NAA16: variants seen among roughly 807,000 people sequenced by gnomAD.
NAA16 encodes the protein NARG1-like protein.
Under a neutral mutation model 110.3 loss-of-function variants are expected in NAA16, and 97 were observed. The ratio of observed to expected loss-of-function variants is 0.88; its 90% CI spans 0.75 to 1.04. The LOEUF is 1.04. NAA16 is among the 50% of genes least tolerant of loss of function. NAA16 has a pLI of 0.00. For missense variants in NAA16, 1,017 were observed against 1,005.1 expected (o/e 1.01, Z -0.16); for synonymous variants, 372 against 330.6 (o/e 1.13, Z -1.36).
At position 41,375,653 on chromosome 13, in the gene NAA16, G is replaced by C; in HGVS notation, c.*51G>C. 3.6e-6 allele frequency: 5 copies of C among 1,391,534 alleles called. No homozygotes were observed. Among genetic ancestry groups the C allele is most frequent in the Non-Finnish European group, 4.9e-6 (5 of 1,025,888 alleles). The allele number at this position is 1,391,534 out of a possible 1,614,324, so 86.2% of individuals were successfully genotyped here. On this transcript the variant is annotated 3_prime_UTR_variant, in exon 20 of 20. Transcript: ENST00000379406. ...AGACTCAAAGCTGAATTGAGATCAG[G>C]GTTTCTTTTCCAGGGTGCATTTTAA...
At chr13:41,371,218 G>A (rs2043309893) in intron 15 of NAA16, among the ~76,000 whole-genome samples, 1 of 152,190 alleles carries the variant, frequency 6.6e-6, no homozygotes, top group African/African-American at 2.4e-5. Flanking sequence ...CATAGAAGCA[G>A]TAGTGCCAGA....
chr13:41,367,630 C>A lies in NAA16; in HGVS notation c.1731C>A (p.Ser577Arg). 1.2e-6 allele frequency: 2 copies of A among 1,606,956 alleles called. No individual in the cohort carries two copies. Among genetic ancestry groups the A allele is most frequent in the Non-Finnish European group, 1.7e-6 (2 of 1,176,270 alleles). Residue 577 changes from serine (S) to arginine (R), a missense_variant, in exon 14 of 20, where the codon AGC becomes AGA. Transcript: ENST00000379406. ...KLYDNPLTNESKQQEINSENL... is the reference protein window; with the variant it reads ...KLYDNPLTNERKQQEINSENL... ...ATGATAATCCCTTAACCAATGAAAG[C>A]AAACAACAAGAAATAAACTCAGGTA...
intron 9 of NAA16, among the ~76,000 whole-genome samples, chr13:41,354,866 G>T (rs2042938902): frequency 7.0e-6 from 1 of 143,502 alleles, no homozygotes. Context: ...TATATAATGT[G>T]TCCCTTATAG....
At chr13:41,320,137 T>G (rs1877190438) in intron 3 of NAA16, among the ~76,000 whole-genome samples, 1 of 152,224 alleles carries the variant, frequency 6.6e-6, no homozygotes, top group South Asian at 2.1e-4. Context: ...ATACTTTAAT[T>G]TATAAGAAAT....
intron 17 of NAA16, chr13:41,373,377 C>G (rs1480790825): frequency 3.5e-6 from 1 of 288,908 alleles, no homozygotes; most frequent in Non-Finnish European, 5.2e-6. Flanking sequence ...CCTGACTCAG[C>G]CTCTTGAGTA....
chr13:41,372,754 G>T lies in NAA16; in HGVS notation c.2079G>T (p.Gln693His). The T allele has an allele frequency of 6.2e-7, 1 of 1,600,602 alleles. No individual in the cohort carries two copies. ...CAGGAAAGTTTCTGTTAATGCTGCA[G>T]TCTGTCAAACGAGCTTTTGCCATTA... ...FRKGKFLLML[Q>H]SVKRAFAINS... Residue 693 changes from glutamine (Q) to histidine (H), a missense_variant, in exon 17 of 20, where the codon CAG (glutamine) becomes CAT (histidine). By Grantham distance (24) the Gln-to-His change is conservative. Transcript: ENST00000379406.
intron 9 of NAA16, among the ~76,000 whole-genome samples, chr13:41,348,093 T>G (rs1391735244): frequency 3.3e-5 from 5 of 152,182 alleles, no homozygotes; most frequent in African/African-American, 1.2e-4. Context: ...TTAAGATGAT[T>G]ATGTAGGTTT....
chr13:41,358,336 C>G lies in NAA16; in HGVS notation c.1120C>G (p.Leu374Val). 2 of 1,613,992 alleles carry G rather than the reference C, an allele frequency of 1.2e-6. No homozygotes were observed. The highest frequency in any genetic ancestry group is 1.7e-6 in the Non-Finnish European group (2 of 1,179,868). ...GGAGAAGGAACCCCCGACAACACTA[C>G]TCTGGGTTCAGTATTTCCTGGCACA... is the stretch of plus-strand genomic sequence containing the variant. ...NGEKEPPTTL[L>V]WVQYFLAQHF... The change falls in exon 11 of 20, where the codon CTC becomes GTC. Residue 374 changes from leucine to valine, a missense_variant. Physicochemically the swap from Leu to Val is conservative, Grantham distance 32. Coordinates refer to ENST00000379406, the MANE Select transcript of NAA16 (RefSeq NM_024561.5).
intron 1 of NAA16, among the ~76,000 whole-genome samples, chr13:41,315,244 A>G (rs1047841261): frequency 3.3e-5 from 5 of 152,144 alleles, no homozygotes; most frequent in African/African-American, 4.8e-5. Flanking sequence ...CTAGGAAAGC[A>G]ATTCAGGCAG....
intron 4 of NAA16, among the ~76,000 whole-genome samples, chr13:41,322,205 GAC>G (rs2041964530): frequency 6.6e-6 from 1 of 151,674 alleles, no homozygotes; most frequent in Admixed American, 6.6e-5. Context: ...AACATAGGGA[GAC>G]TCTGTCTCTA....
At chr13:41,343,474 T>A (rs2042605717) in intron 9 of NAA16, among the ~76,000 whole-genome samples, 1 of 152,166 alleles carries the variant, frequency 6.6e-6, no homozygotes, top group Non-Finnish European at 1.5e-5. Flanking sequence ...CTGTAGTCAT[T>A]TTGACCATAA....
At chr13:41,332,263 T>C (rs2042259243) in intron 8 of NAA16, among the ~76,000 whole-genome samples, 1 of 152,228 alleles carries the variant, frequency 6.6e-6, no homozygotes, top group Non-Finnish European at 1.5e-5. Flanking sequence ...AACATCATCA[T>C]TCCCTCAGAG....
chr13:41,339,830 A>G (rs1335949652), intron 9 of NAA16, among the ~76,000 whole-genome samples: 1 of 152,174 alleles, frequency 6.6e-6, no homozygotes, highest in East Asian at 1.9e-4. Flanking sequence ...AAGTGCTGGG[A>G]TTACAGGTGT....
intron 8 of NAA16, among the ~76,000 whole-genome samples, chr13:41,332,695 G>A (rs899044015): frequency 5.3e-5 from 8 of 152,104 alleles, no homozygotes; most frequent in African/African-American, 1.7e-4. Context: ...CTGGAGAGGC[G>A]AGGAGTTTAT....
chr13:41,360,619 A>C (rs1011546044), intron 12 of NAA16, among the ~76,000 whole-genome samples: 25 of 152,182 alleles, frequency 1.6e-4, no homozygotes, highest in Admixed American at 1.6e-3. Flanking sequence ...GCTGTATGGC[A>C]AGCTTGTTCA....
chr13:41,343,742 T>C (rs2042613507), intron 9 of NAA16, among the ~76,000 whole-genome samples: 1 of 152,234 alleles, frequency 6.6e-6, no homozygotes, highest in Non-Finnish European at 1.5e-5. Context: ...GGTTTTACCA[T>C]GTTGCCCAGG....
chr13:41,336,414 G>C (rs1197685047), intron 8 of NAA16, among the ~76,000 whole-genome samples: 2 of 152,166 alleles, frequency 1.3e-5, no homozygotes, highest in Non-Finnish European at 2.9e-5. Flanking sequence ...CATATCTGCA[G>C]GGTTTTGAGC....
chr13:41,334,475 AC>A (rs2042324498), intron 8 of NAA16, among the ~76,000 whole-genome samples: 1 of 151,780 alleles, frequency 6.6e-6, no homozygotes, highest in East Asian at 1.9e-4. Context: ...TGAATAAGAA[AC>A]AGTCTATTCT....
chr13:41,371,653 A>G (rs1489219692), intron 15 of NAA16, among the ~76,000 whole-genome samples: 1 of 152,196 alleles, frequency 6.6e-6, no homozygotes, highest in African/African-American at 2.4e-5. Flanking sequence ...TGTAACATAC[A>G]CAATATGTGT....
Sources: gnomAD v4.1 joint callset for allele counts (sites outside exome capture counted in the v4.1 genomes callset) on GRCh38, gnomAD v4.1.1 for gene constraint, MANE v1.5 for transcripts, NCBI Gene and HGNC (gene_info 2026-07-23, HGNC 2026-07-21) for gene names.